LIPG: variants seen among roughly 807,000 people sequenced by gnomAD.
The protein encoded by LIPG is lipase G, endothelial type.
In LIPG, 34 loss-of-function variants were observed where a neutral mutation model predicts 51.8. The observed-to-expected ratio is 0.66, with a 90% confidence interval of 0.50 to 0.87. The LOEUF (loss-of-function observed/expected upper bound fraction) is 0.87. LIPG is among the 40% of genes least tolerant of loss of function. The pLI is 0.00. For synonymous variants in LIPG, 246 were observed against 246.1 expected (o/e 1.00, Z 0.00); for missense variants, 580 against 652.7 (o/e 0.89, Z 1.21).
intron 6 of LIPG, among the ~76,000 whole-genome samples, 178 bp from the exon 7 acceptor site, chr18:49,582,184 A>G (rs777398934): frequency 6.6e-6 from 1 of 152,184 alleles, no homozygotes; most frequent in Non-Finnish European, 1.5e-5. Flanking sequence ...GGCTCCTTCC[A>G]TACTGCAGTG....
In LIPG at chr18:49,594,145, T is replaced by G. The variant is rs549551752; in HGVS notation, c.*3623T>G. 1.3e-5 allele frequency: 2 copies of G among 152,234 alleles called. No individual in the cohort carries two copies. The highest frequency in any genetic ancestry group is 2.9e-5 in the Non-Finnish European group (2 of 68,046). The allele number at this position is 152,234 out of a possible 1,614,324, so 9.4% of individuals were successfully genotyped here. On this transcript the variant is annotated 3_prime_UTR_variant, in exon 10 of 10. Transcript: ENST00000261292. ...CGTTTGGTGTTTTTTGTTTTTTTGT[T>G]TTTTTTTGAGATGGAGTCTTGCTCT...
chr18:49,596,494 G>T lies in LIPG; in HGVS notation c.*5972G>T, dbSNP rs545403825. On this transcript the variant is annotated 3_prime_UTR_variant, in exon 10 of 10. Coordinates refer to ENST00000261292, the MANE Select transcript of LIPG (RefSeq NM_006033.4). ...ACTAAAAATACAAAAAGTTAGCCAG[G>T]TGTGATGGTGGGCACCTGTAATCCC... 1.1e-4 allele frequency: 17 copies of T among 152,078 alleles called. No homozygotes were observed. Among genetic ancestry groups the T allele is most frequent in the African/African-American group, 4.1e-4 (17 of 41,472 alleles). The allele number at this position is 152,078 out of a possible 1,614,324, so 9.4% of individuals were successfully genotyped here.
At chr18:49,585,466 C>T (rs891548167) in intron 8 of LIPG, among the ~76,000 whole-genome samples, 4 of 152,192 alleles carry the variant, frequency 2.6e-5, no homozygotes, top group Non-Finnish European at 5.9e-5. Context: ...TTTTTTCATT[C>T]TAATATTGTT....
At chr18:49,565,597 T>C (rs1269211408) in intron 2 of LIPG, 99 bp downstream of exon 2, 2 of 1,349,578 alleles carry the variant, frequency 1.5e-6, no homozygotes, top group African/African-American at 2.9e-5. Flanking sequence ...TTCCAAACCC[T>C]CTTCCCCCCT....
At position 49,565,348 on chromosome 18, in the gene LIPG, T is replaced by C. The variant is rs372868735; in HGVS notation, c.129T>C (p.Thr43=). The change falls in exon 2 of 10, where the codon ACT becomes ACC. Residue 43 remains threonine, a synonymous_variant. Transcript: ENST00000261292. ...TCCACAAACCCAAAGCTACACAGAC[T>C]GAGGTCAAACCATCTGTGAGGTTTA... ...DKLHKPKATQ[T]EVKPSVRFNL... 5.6e-6 allele frequency: 9 copies of C among 1,614,102 alleles called. No homozygotes were observed. In the African/African-American group the frequency reaches 1.2e-4, roughly 22 times the overall value.
At chr18:49,581,364 A>C (rs759263838) in intron 5 of LIPG, 51 bp from the exon 6 acceptor site, 31 of 1,611,494 alleles carry the variant, frequency 1.9e-5, no homozygotes, top group African/African-American at 4.0e-5. Flanking sequence ...TTGAGTGTCT[A>C]ATCATCAAGA....
intron 8 of LIPG, among the ~76,000 whole-genome samples, chr18:49,586,222 A>C (rs559571631): frequency 9.3e-4 from 141 of 152,330 alleles, no homozygotes; most frequent in African/African-American, 3.3e-3. Context: ...TTTACAGAGC[A>C]CTGGACTAGA....
chr18:49,576,616 C>G (rs138578440), intron 5 of LIPG, among the ~76,000 whole-genome samples: 30 of 151,980 alleles, frequency 2.0e-4, no homozygotes, highest in Non-Finnish European at 3.7e-4. Context: ...AGGCCCCCAC[C>G]ACCATGCCAT....
At chr18:49,566,629 A>G (rs932529679) in intron 2 of LIPG, among the ~76,000 whole-genome samples, 1 of 152,190 alleles carries the variant, frequency 6.6e-6, no homozygotes, top group African/African-American at 2.4e-5. Context: ...TTCCGGGGAC[A>G]GATTTTCCCT....
intron 5 of LIPG, among the ~76,000 whole-genome samples, chr18:49,579,773 CTTTTCTTTTCT>C (rs1568533510): frequency 0.032 from 2,035 of 63,442 alleles, 130 homozygotes; most frequent in African/African-American, 0.1. Context: ...CCTTTCTTTT[CTTTTCTTTTCT>C]TTTCTTTTCT....
At chr18:49,562,648 A>T (rs948879149) in intron 1 of LIPG, among the ~76,000 whole-genome samples, 2 of 124,456 alleles carry the variant, frequency 1.6e-5, no homozygotes, top group Admixed American at 1.7e-4. Flanking sequence ...CAGCCCTCCC[A>T]CCCCCACCTC....
At chr18:49,562,039 C>T (rs2084554918), upstream of LIPG, 3 of 1,432,290 alleles carry the variant, frequency 2.1e-6, no homozygotes, top group Non-Finnish European at 2.7e-6. Flanking sequence ...TTAAAAACTA[C>T]CTCTATAGGA....
At position 49,595,854 on chromosome 18, in the gene LIPG, A is replaced by G. The variant is rs1418441602; in HGVS notation, c.*5332A>G. On this transcript the variant is annotated 3_prime_UTR_variant, in exon 10 of 10. Transcript: ENST00000261292. ...AAATAAAATAAAATAGAATAGAATA[A>G]AATAAAATCCTTTCCACATATATGC... The G allele has an allele frequency of 1.3e-5, 2 of 152,130 alleles. No homozygotes were observed. Among genetic ancestry groups the G allele is most frequent in the Non-Finnish European group, 2.9e-5 (2 of 68,006 alleles). 9.4% of individuals were successfully genotyped at this position (152,130 alleles called of 1,614,324 possible). A position where few individuals can be genotyped will look rare whatever the true frequency, so the allele number is the denominator to read the frequency against.
intron 9 of LIPG, chr18:49,590,213 T>G: frequency 2.1e-6 from 1 of 468,976 alleles, no homozygotes; most frequent in South Asian, 2.0e-5. Context: ...GTGTGTATGT[T>G]GTGGGTGGAT....
rs1250452923 is a variant in LIPG at position 49,562,086 on chromosome 18, A to G, written c.-223A>G. On this transcript the variant is annotated 5_prime_UTR_variant, in exon 1 of 10. Transcript: ENST00000261292. ...GCGAGTCCTTGCCTCCCGGCGGCTC[A>G]GGACGAGGGCAGATCTCGTTCTGGG... 2 of 1,442,112 alleles carry G rather than the reference A, an allele frequency of 1.4e-6. No individual in the cohort carries two copies. Among genetic ancestry groups the G allele is most frequent in the African/African-American group, 2.9e-5 (2 of 69,908 alleles). The allele number at this position is 1,442,112 out of a possible 1,614,324, so 89.3% of individuals were successfully genotyped here.
chr18:49,562,291 G>A lies in LIPG; in HGVS notation c.-18G>A. The A allele has an allele frequency of 7.5e-6, 12 of 1,608,806 alleles. No homozygotes were observed. Among genetic ancestry groups the A allele is most frequent in the Non-Finnish European group, 1.0e-5 (12 of 1,178,856 alleles). On this transcript the variant is annotated 5_prime_UTR_variant, in exon 1 of 10. Coordinates refer to ENST00000261292, the MANE Select transcript of LIPG (RefSeq NM_006033.4). ...TTTTAAAACTTCTGTTTCTTGGGAG[G>A]GGGTGTGGCGGGGCAGGATGAGCAA...
intron 5 of LIPG, among the ~76,000 whole-genome samples, chr18:49,577,848 A>C (rs1322440641): frequency 2.3e-5 from 2 of 87,748 alleles, no homozygotes; most frequent in Non-Finnish European, 2.3e-5. Context: ...GGGGGGGCTG[A>C]CCCCCCCATC....
Position 49,582,468 on chromosome 18 carries a change from T to A in LIPG, c.1143T>A (p.Thr381=), listed in dbSNP as rs759274489. Residue 381 remains threonine, a synonymous_variant, in exon 7 of 10, where the codon ACT becomes ACA. Coordinates refer to ENST00000261292, the MANE Select transcript of LIPG (RefSeq NM_006033.4). The part of the protein sequence containing the change: ...TLYGTNADSQ[T]LPLEIVERIE... Reference sequence around the variant, plus strand: ...ATGGCACTAATGCAGATTCCCAGACTCTGCCACTGGAAATGTAAGTCATCC... The same window carrying A: ...ATGGCACTAATGCAGATTCCCAGACACTGCCACTGGAAATGTAAGTCATCC... 8 of 1,614,258 alleles carry A rather than the reference T, an allele frequency of 5.0e-6. No individual in the cohort carries two copies. The highest frequency in any genetic ancestry group is 1.3e-5 in the African/African-American group (1 of 75,060).
intron 4 of LIPG, among the ~76,000 whole-genome samples, chr18:49,572,252 G>A (rs1413148475): frequency 6.6e-6 from 1 of 152,142 alleles, no homozygotes; most frequent in Non-Finnish European, 1.5e-5. Flanking sequence ...CCCAGGATGC[G>A]GAGGTTGCAG....
Sources: gnomAD v4.1 joint callset for allele counts (sites outside exome capture counted in the v4.1 genomes callset) on GRCh38, gnomAD v4.1.1 for gene constraint, MANE v1.5 for transcripts, NCBI Gene and HGNC (gene_info 2026-07-23, HGNC 2026-07-21) for gene names.